CADM2: variants seen among roughly 807,000 people sequenced by gnomAD.
CADM2 encodes cell adhesion molecule 2.
CADM2 carries 12 observed loss-of-function variants against 49.8 expected under a neutral mutation model. The observed-to-expected ratio is 0.24, with a 90% CI of 0.15 to 0.39. The LOEUF is 0.39. CADM2 is among the 10% of genes least tolerant of loss of function. The pLI is 1.00. For missense variants in CADM2, 378 were observed against 492.3 expected, an observed-to-expected ratio of 0.77 and a Z score of 2.20; for synonymous variants, 214 against 175.4, an observed-to-expected ratio of 1.22 and a Z score of -1.74.
intron 5 of CADM2, among the ~76,000 whole-genome samples, chr3:85,909,016 G>A (rs1419164973): frequency 3.9e-5 from 6 of 152,050 alleles, no homozygotes; most frequent in Non-Finnish European, 7.4e-5. Context: ...GAGCCACCAC[G>A]CCCGGCCTAC....
At chr3:85,516,899 C>G (rs2060916239) in intron 1 of CADM2, among the ~76,000 whole-genome samples, 1 of 151,944 alleles carries the variant, frequency 6.6e-6, no homozygotes, top group Non-Finnish European at 1.5e-5. Flanking sequence ...ATACCATTTA[C>G]AGTTTATATT....
intron 1 of CADM2, among the ~76,000 whole-genome samples, chr3:85,190,831 A>T (rs2041190884): frequency 6.6e-6 from 1 of 152,088 alleles, no homozygotes; most frequent in Admixed American, 6.6e-5. Context: ...ACTAGGATTT[A>T]TTGTTCTCAT....
chr3:85,155,386 C>A (rs1438143584), intron 1 of CADM2, among the ~76,000 whole-genome samples: 1 of 151,858 alleles, frequency 6.6e-6, no homozygotes, highest in African/African-American at 2.4e-5. Flanking sequence ...ACAAGAAGAG[C>A]TAACTATCCT....
chr3:85,112,854 G>A (rs535512849), intron 1 of CADM2, among the ~76,000 whole-genome samples: 1 of 151,526 alleles, frequency 6.6e-6, no homozygotes, highest in Non-Finnish European at 1.5e-5. Flanking sequence ...ATCAATGTAT[G>A]TAATAAGATT....
chr3:86,052,660 C>T lies in CADM2; in HGVS notation c.971-12945C>T, dbSNP rs949346649. Among the ~76,000 whole-genome samples the T allele has an allele frequency of 7.2e-5, 11 of 152,012 alleles. 1 individual carries two copies. The South Asian group carries it at 1.0e-3, about 14-fold the overall frequency. On this transcript the variant is annotated intron_variant, in intron 8 of 9. Coordinates refer to ENST00000383699, the MANE Select transcript of CADM2 (RefSeq NM_001167675.2). ...AGAATTATTTTATAGGCATATTTGC[C>T]ACTCATTAATATTTAAGTAAATTTC...
intron 1 of CADM2, among the ~76,000 whole-genome samples, chr3:85,247,745 C>T (rs562466723): frequency 1.2e-4 from 18 of 152,168 alleles, no homozygotes; most frequent in Middle Eastern, 3.4e-3. Context: ...GCTGATTTAG[C>T]CACTTTATGC....
At chr3:85,238,330 T>C (rs1272752864) in intron 1 of CADM2, among the ~76,000 whole-genome samples, 1 of 151,982 alleles carries the variant, frequency 6.6e-6, no homozygotes. Flanking sequence ...TTTTCACTTC[T>C]TATGTCAACT....
intron 2 of CADM2, among the ~76,000 whole-genome samples, chr3:85,791,708 T>TTTG (rs1334110305): frequency 1.3e-5 from 2 of 151,980 alleles, no homozygotes; most frequent in East Asian, 3.9e-4. Context: ...TTGTTGAGTT[T>TTTG]TTGTTGTTGT....
intron 1 of CADM2, among the ~76,000 whole-genome samples, chr3:85,447,962 T>G (rs2037547706): frequency 6.6e-6 from 1 of 152,034 alleles, no homozygotes; most frequent in African/African-American, 2.4e-5. Context: ...ATGTGGCAGA[T>G]ATATGAAAGA....
chr3:85,252,917 A>G (rs2042806543), intron 1 of CADM2, among the ~76,000 whole-genome samples: 1 of 152,064 alleles, frequency 6.6e-6, no homozygotes, highest in Non-Finnish European at 1.5e-5. Flanking sequence ...TGGAAAACAG[A>G]ACTTTGCAAA....
At chr3:86,061,461 C>T (rs1738638713) in intron 8 of CADM2, among the ~76,000 whole-genome samples, 2 of 151,952 alleles carry the variant, frequency 1.3e-5, no homozygotes, top group South Asian at 4.1e-4. Context: ...GGACAGCTGG[C>T]TATAAAAACA....
chr3:85,079,105 T>C (rs2037061346), intron 1 of CADM2, among the ~76,000 whole-genome samples: 1 of 151,886 alleles, frequency 6.6e-6, no homozygotes, highest in African/African-American at 2.4e-5. Flanking sequence ...TTAATTTTTA[T>C]TATCTAAAAG....
At chr3:85,615,008 A>G (rs1250505457) in intron 1 of CADM2, among the ~76,000 whole-genome samples, 1 of 152,032 alleles carries the variant, frequency 6.6e-6, no homozygotes, top group African/African-American at 2.4e-5. Flanking sequence ...TGAAGTGTGT[A>G]GCATTGCTTT....
chr3:85,216,759 T>C (rs776008909), intron 1 of CADM2, among the ~76,000 whole-genome samples: 1 of 152,142 alleles, frequency 6.6e-6, no homozygotes, highest in Non-Finnish European at 1.5e-5. Context: ...TTATGATTAT[T>C]TGTAGAATTT....
intron 3 of CADM2, among the ~76,000 whole-genome samples, chr3:85,804,671 GT>G (rs1241132197): frequency 6.6e-6 from 1 of 152,032 alleles, no homozygotes; most frequent in Non-Finnish European, 1.5e-5. Context: ...GATTCTATAA[GT>G]TATCCTCTAA....
At chr3:85,033,008 T>C (rs959336250) in intron 1 of CADM2, among the ~76,000 whole-genome samples, 7 of 152,100 alleles carry the variant, frequency 4.6e-5, no homozygotes, top group South Asian at 2.1e-4. Context: ...ATTGTTTGCA[T>C]AGAGGAAAAG....
chr3:85,005,963 G>C (rs1200516472), intron 1 of CADM2, among the ~76,000 whole-genome samples: 1 of 152,090 alleles, frequency 6.6e-6, no homozygotes, highest in Non-Finnish European at 1.5e-5. Flanking sequence ...TCTAATTGCA[G>C]CTTTATTAAT....
chr3:85,518,654 A>C (rs535284441), intron 1 of CADM2, among the ~76,000 whole-genome samples: 1 of 151,794 alleles, frequency 6.6e-6, no homozygotes, highest in Admixed American at 6.6e-5. Context: ...GCCCCTTCCA[A>C]CTCCTGGTGG....
At chr3:85,911,901 C>A (rs889100578) in intron 5 of CADM2, among the ~76,000 whole-genome samples, 7 of 151,294 alleles carry the variant, frequency 4.6e-5, no homozygotes, top group Middle Eastern at 3.4e-3. Context: ...ATTTCTGGAT[C>A]TAGCTCTTAG....
Sources: gnomAD v4.1 joint callset for allele counts (sites outside exome capture counted in the v4.1 genomes callset) on GRCh38, gnomAD v4.1.1 for gene constraint, MANE v1.5 for transcripts, NCBI Gene and HGNC (gene_info 2026-07-23, HGNC 2026-07-21) for gene names.